The following GALNTL6 variants were observed in gnomAD, a reference collection of about 807,000 sequenced individuals.
GALNTL6 encodes the protein polypeptide N-acetylgalactosaminyltransferase-like 6.
Under a neutral mutation model 73.7 loss-of-function variants are expected in GALNTL6, and 46 were observed. The ratio of observed to expected loss-of-function variants is 0.62; its 90% CI spans 0.49 to 0.80. GALNTL6 has a LOEUF of 0.80. GALNTL6 is among the 30% of genes least tolerant of loss of function. The pLI, the probability that GALNTL6 is intolerant of heterozygous loss-of-function variation, is 0.00. For missense variants in GALNTL6, 604 were observed against 755.0 expected, an observed-to-expected ratio of 0.80 and a Z score of 2.34; for synonymous variants, 259 against 263.7, an observed-to-expected ratio of 0.98 and a Z score of 0.17.
intron 3 of GALNTL6, among the ~76,000 whole-genome samples, chr4:172,298,995 C>T (rs1382045256): frequency 1.3e-5 from 2 of 152,126 alleles, no homozygotes; most frequent in African/African-American, 2.4e-5. Context: ...TCCATCTGGT[C>T]CTGGACTTTT....
chr4:172,437,472 C>A (rs1431010225), intron 5 of GALNTL6, among the ~76,000 whole-genome samples: 1 of 151,872 alleles, frequency 6.6e-6, no homozygotes. Context: ...ATCTCACCCC[C>A]AAAAAGCATT....
intron 5 of GALNTL6, among the ~76,000 whole-genome samples, chr4:172,467,574 T>A (rs1250916009): frequency 6.6e-6 from 1 of 152,146 alleles, no homozygotes; most frequent in African/African-American, 2.4e-5. Context: ...GTCTGGTATC[T>A]TGAGGTATCT....
Position 172,045,701 on chromosome 4 carries a change from C to T in GALNTL6, c.139-183955C>T, listed in dbSNP as rs562893897. ...CCATATTTATAGGCAGTTCATAAACCAAGTGTAGGTCATTTGGAAATTCAC... is the reference window on the plus strand; with the variant it reads ...CCATATTTATAGGCAGTTCATAAACTAAGTGTAGGTCATTTGGAAATTCAC... On this transcript the variant is annotated intron_variant, in intron 2 of 12. Transcript: ENST00000506823. Among the ~76,000 whole-genome samples the T allele has an allele frequency of 5.3e-5, 8 of 151,338 alleles. No homozygotes were observed. The East Asian group carries it at 1.4e-3, about 26-fold the overall frequency.
At chr4:172,838,482 T>TA (rs1743031047) in intron 7 of GALNTL6, among the ~76,000 whole-genome samples, 1 of 152,184 alleles carries the variant, frequency 6.6e-6, no homozygotes, top group South Asian at 2.1e-4. Context: ...CCCACCTGCT[T>TA]ACCACACACA....
intron 5 of GALNTL6, among the ~76,000 whole-genome samples, chr4:172,579,778 T>C (rs1737099698): frequency 8.0e-6 from 1 of 124,852 alleles, no homozygotes; most frequent in Non-Finnish European, 1.6e-5. Context: ...CTTTAGAGTT[T>C]AAATGAGGAA....
At chr4:172,146,114 T>C (rs912177372) in intron 2 of GALNTL6, among the ~76,000 whole-genome samples, 4 of 152,154 alleles carry the variant, frequency 2.6e-5, no homozygotes, top group African/African-American at 9.7e-5. Context: ...ATCTCCTGTT[T>C]TCAGGAAGAA....
At chr4:171,886,818 T>C (rs1003164546) in intron 2 of GALNTL6, among the ~76,000 whole-genome samples, 9 of 152,010 alleles carry the variant, frequency 5.9e-5, no homozygotes, top group Admixed American at 3.9e-4. Context: ...AAATAGAGTA[T>C]GAAGAGGTGG....
At chr4:172,369,602 C>T (rs3903474) in intron 5 of GALNTL6, among the ~76,000 whole-genome samples, 122,620 of 152,098 alleles carry the variant, frequency 0.81, 50,343 homozygotes, top group Non-Finnish European at 0.88. Context: ...CTGCAGGTCC[C>T]GAGCCCTGCC....
intron 2 of GALNTL6, among the ~76,000 whole-genome samples, chr4:172,203,699 T>C (rs923838212): frequency 3.3e-5 from 5 of 152,180 alleles, no homozygotes; most frequent in African/African-American, 1.2e-4. Flanking sequence ...ATTTTCCTTC[T>C]CTATGAAACT....
intron 2 of GALNTL6, among the ~76,000 whole-genome samples, chr4:171,913,433 C>G (rs1027104064): frequency 1.3e-5 from 2 of 152,154 alleles, no homozygotes; most frequent in African/African-American, 4.8e-5. Context: ...ATTATTGCCA[C>G]CCACAGCTGG....
chr4:172,853,596 G>A (rs970792613), intron 7 of GALNTL6, among the ~76,000 whole-genome samples: 1 of 152,072 alleles, frequency 6.6e-6, no homozygotes, highest in Non-Finnish European at 1.5e-5. Context: ...CTCATATTTG[G>A]AGGCCTTAAC....
chr4:172,474,790 G>A (rs560105349), intron 5 of GALNTL6, among the ~76,000 whole-genome samples: 54 of 152,040 alleles, frequency 3.6e-4, no homozygotes, highest in Middle Eastern at 3.4e-3. Flanking sequence ...TTTCTCTTGG[G>A]TCATTTTTCT....
At chr4:171,858,780 T>A (rs542526323) in intron 2 of GALNTL6, among the ~76,000 whole-genome samples, 2 of 152,224 alleles carry the variant, frequency 1.3e-5, no homozygotes, top group South Asian at 4.2e-4. Context: ...AAATATTGAC[T>A]GAAGCTAACG....
intron 2 of GALNTL6, among the ~76,000 whole-genome samples, chr4:172,087,024 C>A (rs115276194): frequency 6.6e-6 from 1 of 152,066 alleles, no homozygotes; most frequent in Non-Finnish European, 1.5e-5. Context: ...CAGTTCCTAC[C>A]GTGTATTGTG....
intron 5 of GALNTL6, among the ~76,000 whole-genome samples, chr4:172,673,231 G>T (rs1732089773): frequency 6.6e-6 from 1 of 151,854 alleles, no homozygotes; most frequent in Non-Finnish European, 1.5e-5. Context: ...GTTCTCATTT[G>T]TTTCAAAGTA....
intron 2 of GALNTL6, among the ~76,000 whole-genome samples, chr4:172,073,856 G>T (rs1232839470): frequency 6.6e-6 from 1 of 152,098 alleles, no homozygotes; most frequent in East Asian, 1.9e-4. Context: ...GGACAGGGAG[G>T]GACTCTGTAA....
At chr4:172,674,510 G>A (rs1732168628) in intron 5 of GALNTL6, among the ~76,000 whole-genome samples, 1 of 152,110 alleles carries the variant, frequency 6.6e-6, no homozygotes, top group African/African-American at 2.4e-5. Context: ...ATATTGGCCT[G>A]TCTTGCTAGG....
chr4:172,254,982 G>C lies in GALNTL6; in HGVS notation c.247+25218G>C, dbSNP rs940845688. Among the ~76,000 whole-genome samples the C allele has an allele frequency of 4.3e-4, 65 of 151,722 alleles. 1 individual carries two copies. The highest frequency in any genetic ancestry group is 1.6e-3 in the African/African-American group (65 of 41,508). On this transcript the variant is annotated intron_variant, in intron 3 of 12. Coordinates refer to ENST00000506823, the MANE Select transcript of GALNTL6 (RefSeq NM_001034845.3). The stretch of plus-strand genomic sequence containing the variant: ...AAATTAAATTATAACTAAAATGGAT[G>C]GCAGAAATTCAAACACAATAGAAAT...
At chr4:172,075,547 G>A (rs1174153234) in intron 2 of GALNTL6, among the ~76,000 whole-genome samples, 1 of 152,088 alleles carries the variant, frequency 6.6e-6, no homozygotes, top group East Asian at 1.9e-4. Flanking sequence ...GTCTTAGCCA[G>A]GATGGTCTCG....
Sources: gnomAD v4.1 joint callset for allele counts (sites outside exome capture counted in the v4.1 genomes callset) on GRCh38, gnomAD v4.1.1 for gene constraint, MANE v1.5 for transcripts, NCBI Gene and HGNC (gene_info 2026-07-23, HGNC 2026-07-21) for gene names.